The following RAD50 variants were observed in gnomAD, a reference collection of about 807,000 sequenced individuals.
RAD50 encodes the protein DNA repair protein RAD50.
A neutral mutation model predicts 168.8 loss-of-function variants in RAD50; 132 were observed. That is an observed-to-expected ratio of 0.78 (90% confidence interval 0.68 to 0.90). RAD50 has a LOEUF of 0.90. Ranked by LOEUF, RAD50 falls within the 40% of genes least tolerant of loss-of-function variation. The pLI, the probability that RAD50 is intolerant of heterozygous loss-of-function variation, is 0.00. For missense variants in RAD50, 1,347 were observed against 1,534.4 expected, an observed-to-expected ratio of 0.88 and a Z score of 2.04; for synonymous variants, 525 against 497.4, an observed-to-expected ratio of 1.06 and a Z score of -0.74.
intron 2 of RAD50, among the ~76,000 whole-genome samples, chr5:132,560,069 C>CACAG (rs1750097645): frequency 6.7e-6 from 1 of 150,330 alleles, no homozygotes; most frequent in East Asian, 1.9e-4. Context: ...CACACACACA[C>CACAG]ACACACACAT....
intron 19 of RAD50, among the ~76,000 whole-genome samples, chr5:132,613,817 G>T (rs1349428261): frequency 6.6e-6 from 1 of 151,736 alleles, no homozygotes; most frequent in Non-Finnish European, 1.5e-5. Flanking sequence ...GGATGATCTC[G>T]AACTCCTGAC....
intron 21 of RAD50, among the ~76,000 whole-genome samples, chr5:132,635,966 C>A (rs1435928406): frequency 6.6e-6 from 1 of 152,150 alleles, no homozygotes; most frequent in Non-Finnish European, 1.5e-5. Flanking sequence ...CTTCACAGTC[C>A]TTCATCTGAT....
intron 3 of RAD50, 82 bp downstream of exon 3, chr5:132,576,010 G>C: frequency 7.5e-7 from 1 of 1,329,952 alleles, no homozygotes; most frequent in Non-Finnish European, 1.0e-6. Context: ...TCTACTATAA[G>C]TTTAGGGGAG....
At chr5:132,632,241 C>T (rs1162599688) in intron 21 of RAD50, among the ~76,000 whole-genome samples, 5 of 152,206 alleles carry the variant, frequency 3.3e-5, no homozygotes, top group African/African-American at 9.6e-5. Context: ...CAACTAAAGC[C>T]ATTCAGCCTT....
At chr5:132,624,633 T>G (rs1243529766) in intron 21 of RAD50, among the ~76,000 whole-genome samples, 10 of 152,144 alleles carry the variant, frequency 6.6e-5, no homozygotes, top group African/African-American at 2.4e-4. Flanking sequence ...GCTTAGTGGC[T>G]TACGCCTGTA....
chr5:132,636,757 C>A (rs1751588650), intron 21 of RAD50, among the ~76,000 whole-genome samples: 1 of 152,152 alleles, frequency 6.6e-6, no homozygotes, highest in Non-Finnish European at 1.5e-5. Flanking sequence ...AGCATTCCCT[C>A]CAATAAGTTA....
chr5:132,591,424 G>A lies in RAD50; in HGVS notation c.1635+18G>A, dbSNP rs1561640827. On this transcript the variant is annotated intron_variant, in intron 10 of 24. Transcript: ENST00000378823. ...AAGACAAAGTATGATTTTTCTTTTTGTTCTAATTATACTGTCTGGTACTTA... is the reference window on the plus strand; with the variant it reads ...AAGACAAAGTATGATTTTTCTTTTTATTCTAATTATACTGTCTGGTACTTA... 2 of 1,604,642 alleles carry A rather than the reference G, an allele frequency of 1.2e-6. No homozygotes were observed.
chr5:132,623,018 A>G (rs369600678), intron 21 of RAD50, among the ~76,000 whole-genome samples: 14 of 151,928 alleles, frequency 9.2e-5, no homozygotes, highest in Admixed American at 3.9e-4. Context: ...TGAATTTTCA[A>G]CTCATTAATT....
At chr5:132,558,108 CG>C (rs1561627534) in intron 1 of RAD50, among the ~76,000 whole-genome samples, 1 of 151,162 alleles carries the variant, frequency 6.6e-6, no homozygotes, top group Non-Finnish European at 1.5e-5. Flanking sequence ...AAAAGCAAGA[CG>C]ATGTCAGTAT....
At chr5:132,631,590 T>C (rs1313152523) in intron 21 of RAD50, among the ~76,000 whole-genome samples, 2 of 152,210 alleles carry the variant, frequency 1.3e-5, no homozygotes, top group Non-Finnish European at 2.9e-5. Flanking sequence ...AATCTTTGCC[T>C]CACCAGACAG....
intron 13 of RAD50, among the ~76,000 whole-genome samples, chr5:132,601,986 G>C (rs1216323427): frequency 6.6e-6 from 1 of 152,106 alleles, no homozygotes; most frequent in Admixed American, 6.5e-5. Context: ...TCTGCTGGTG[G>C]GGGGCTAGGG....
rs930827260 is a variant in RAD50, at chr5:132,643,031, C to T, written c.*667C>T. The stretch of plus-strand genomic sequence containing the variant: ...TGGTCATCCAGACTCAGAGCTCTCT[C>T]TACAGAGAGGAAATTCTCCACTGTG... On this transcript the variant is annotated 3_prime_UTR_variant, in exon 25 of 25. Transcript: ENST00000378823. 1.9e-6 allele frequency: 1 copy of T among 529,200 alleles called. No individual in the cohort carries two copies. The highest frequency in any genetic ancestry group is 1.9e-5 in the African/African-American group (1 of 52,672). 32.8% of individuals were successfully genotyped at this position (529,200 alleles called of 1,614,324 possible).
intron 19 of RAD50, among the ~76,000 whole-genome samples, chr5:132,611,858 T>C (rs1275964247): frequency 6.6e-6 from 1 of 152,154 alleles, no homozygotes; most frequent in East Asian, 1.9e-4. Context: ...TTCGCAGGGC[T>C]TTAAAAAAAA....
intron 13 of RAD50, among the ~76,000 whole-genome samples, chr5:132,596,833 A>G (rs925840537): frequency 5.3e-5 from 8 of 152,250 alleles, no homozygotes; most frequent in Non-Finnish European, 7.3e-5. Context: ...AATGAGAAGA[A>G]TATTTTGAGA....
rs530909623 is a variant in RAD50 at position 132,613,040 on chromosome 5, T to A, written c.3037-2963T>A. Reference sequence around the variant, plus strand: ...GTGTTATTCCCAGCTAGACTTTTGGTGGACATTGGACTGTAATCTGTTCAG... The same window carrying A: ...GTGTTATTCCCAGCTAGACTTTTGGAGGACATTGGACTGTAATCTGTTCAG... On this transcript the variant is annotated intron_variant, in intron 19 of 24. Coordinates refer to ENST00000378823, the MANE Select transcript of RAD50 (RefSeq NM_005732.4). Among the ~76,000 whole-genome samples the A allele has an allele frequency of 2.6e-5, 4 of 151,834 alleles. No homozygotes were observed. The South Asian group carries it at 8.3e-4, about 32-fold the overall frequency.
chr5:132,595,334 C>T, intron 12 of RAD50: 1 of 519,878 alleles, frequency 1.9e-6, no homozygotes, highest in Non-Finnish European at 3.3e-6. Flanking sequence ...AGAAAGCTCT[C>T]AGTAGGCATT....
intron 10 of RAD50, 77 bp downstream of exon 10, chr5:132,591,483 T>G: frequency 7.2e-7 from 1 of 1,383,886 alleles, no homozygotes; most frequent in Non-Finnish European, 1.0e-6. Flanking sequence ...AGTCATAGAC[T>G]ATAAGGTATT....
chr5:132,579,759 T>C, intron 4 of RAD50, 103 bp from the exon 5 acceptor site: 1 of 1,070,888 alleles, frequency 9.3e-7, no homozygotes, highest in Non-Finnish European at 1.4e-6. Context: ...TATTAAAAAC[T>C]CATTGTAACT....
At position 132,637,163 on chromosome 5, in the gene RAD50, T is replaced by C. The variant is rs777795463; in HGVS notation, c.3438T>C (p.Ile1146=). 3.7e-6 allele frequency: 6 copies of C among 1,612,318 alleles called. No homozygotes were observed. The highest frequency in any genetic ancestry group is 1.3e-5 in the African/African-American group (1 of 74,992). ...HSMKMEEINK[I]IRDLWRSTYR... ...TGAAAATGGAAGAAATCAATAAAAT[T>C]ATACGTGACCTGTGGCGAAGTACCT... The change falls in exon 22 of 25, where the codon ATT becomes ATC. Residue 1146 remains isoleucine (I), a synonymous_variant. Coordinates refer to ENST00000378823, the MANE Select transcript of RAD50 (RefSeq NM_005732.4).
Sources: gnomAD v4.1 joint callset for allele counts (sites outside exome capture counted in the v4.1 genomes callset) on GRCh38, gnomAD v4.1.1 for gene constraint, MANE v1.5 for transcripts, NCBI Gene and HGNC (gene_info 2026-07-23, HGNC 2026-07-21) for gene names.